Variants in IQGAP3 observed in about 807,000 individuals in gnomAD.
The protein encoded by IQGAP3 is IQ motif containing GTPase activating protein 3.
A neutral mutation model predicts 208.2 loss-of-function variants in IQGAP3; 165 were observed. That is an observed-to-expected ratio of 0.79 (90% confidence interval 0.70 to 0.90). The LOEUF is 0.90. Ranked by LOEUF, IQGAP3 falls within the 40% of genes least tolerant of loss-of-function variation. IQGAP3 has a pLI of 0.00. For synonymous variants in IQGAP3, 703 were observed against 803.6 expected, an observed-to-expected ratio of 0.87 and a Z score of 2.12; for missense variants, 1,811 against 2,043.1, an observed-to-expected ratio of 0.89 and a Z score of 2.19.
chr1:156,551,565 C>T (rs1457981402), intron 15 of IQGAP3, 140 bp downstream of exon 15: 2 of 859,456 alleles, frequency 2.3e-6, no homozygotes, highest in South Asian at 2.0e-5. Flanking sequence ...TCCTTCTTTA[C>T]CAGATTGGAA....
Position 156,526,416 on chromosome 1 carries a change from A to C in IQGAP3, c.*70T>G. 1.0e-6 allele frequency: 1 copy of C among 979,904 alleles called. No individual in the cohort carries two copies. Among genetic ancestry groups the C allele is most frequent in the Non-Finnish European group, 1.6e-6 (1 of 607,262 alleles). 60.7% of individuals were successfully genotyped at this position (979,904 alleles called of 1,614,324 possible). On this transcript the variant is annotated 3_prime_UTR_variant, in exon 38 of 38. Transcript: ENST00000361170. The stretch of plus-strand genomic sequence containing the variant: ...GCTCTAGGTGTCTGCAGGGAAGCAC[A>C]GTGGTGAGTTAGTGTTAAAGAAAGC...
At position 156,566,490 on chromosome 1, in the gene IQGAP3, C is replaced by T; in HGVS notation, c.182G>A (p.Ser61Asn). The change falls in exon 3 of 38, where the codon AGC becomes AAC. Residue 61 changes from serine (S) to asparagine (N), a missense_variant. Coordinates refer to ENST00000361170, the MANE Select transcript of IQGAP3 (RefSeq NM_178229.5). ...ELPSPVELEE[S>N]LRNGVLLAKL... ...GGCCAGCAGCACTCCATTCCGAAGG[C>T]TCTCCTCCAGCTCCACCGGGGAAGG... 1 of 1,614,162 alleles carries T rather than the reference C, an allele frequency of 6.2e-7. No individual in the cohort carries two copies. Among genetic ancestry groups the T allele is most frequent in the Non-Finnish European group, 8.5e-7 (1 of 1,180,014 alleles).
chr1:156,557,341 G>T (rs1427723708), intron 11 of IQGAP3, among the ~76,000 whole-genome samples: 2 of 11,924 alleles, frequency 1.7e-4, no homozygotes, highest in Admixed American at 1.5e-3. Flanking sequence ...AGGGAGGTGG[G>T]GGGTCAGCCC....
At chr1:156,552,973 C>T (rs562757242) in intron 13 of IQGAP3, among the ~76,000 whole-genome samples, 1 of 152,284 alleles carries the variant, frequency 6.6e-6, no homozygotes, top group South Asian at 2.1e-4. Flanking sequence ...ACTTGGGAGG[C>T]TGAGTTGGGA....
chr1:156,530,256 G>A lies in IQGAP3; in HGVS notation c.4253C>T (p.Pro1418Leu). 6.2e-7 allele frequency: 1 copy of A among 1,612,734 alleles called. No homozygotes were observed. Among genetic ancestry groups the A allele is most frequent in the Non-Finnish European group, 8.5e-7 (1 of 1,179,984 alleles). Reference sequence around the variant, plus strand: ...TGTCAGTGAGCGGTGTCGTCGCAGTGGCTCCGGTGTCTGGGCTGTACAGGC... The same window carrying A: ...TGTCAGTGAGCGGTGTCGTCGCAGTAGCTCCGGTGTCTGGGCTGTACAGGC... Reference protein sequence around the residue: ...RQACTAQTPEPLRRHRSLTAH... With the variant: ...RQACTAQTPELLRRHRSLTAH... Residue 1418 changes from proline (P) to leucine (L), a missense_variant, in exon 34 of 38, where the codon CCA (proline) becomes CTA (leucine). Pro to Leu is a moderately conservative substitution (Grantham distance 98, BLOSUM62 -3). Transcript: ENST00000361170.
chr1:156,571,978 T>C (rs1397347840), intron 1 of IQGAP3, among the ~76,000 whole-genome samples: 1 of 152,168 alleles, frequency 6.6e-6, no homozygotes, highest in Non-Finnish European at 1.5e-5. Context: ...AAATGCAGAT[T>C]ATGGGCCCCA....
chr1:156,527,078 G>A (rs927131724), intron 37 of IQGAP3, among the ~76,000 whole-genome samples: 16 of 151,386 alleles, frequency 1.1e-4, no homozygotes, highest in Admixed American at 3.3e-4. Flanking sequence ...TGATCCGCCC[G>A]CCTCGGCCTC....
intron 13 of IQGAP3, among the ~76,000 whole-genome samples, chr1:156,553,658 C>T (rs1380487700): frequency 2.7e-5 from 4 of 145,992 alleles, no homozygotes; most frequent in Non-Finnish European, 6.0e-5. Context: ...CTCGGCTCAA[C>T]ACAACCTCCA....
At chr1:156,533,561 A>C (rs181051129) in intron 31 of IQGAP3, among the ~76,000 whole-genome samples, 4 of 152,146 alleles carry the variant, frequency 2.6e-5, no homozygotes, top group Non-Finnish European at 5.9e-5. Flanking sequence ...ACCGTTTTCC[A>C]TGATGATCGT....
intron 33 of IQGAP3, among the ~76,000 whole-genome samples, chr1:156,530,881 C>G (rs568030374): frequency 2.0e-5 from 3 of 152,112 alleles, no homozygotes; most frequent in African/African-American, 7.2e-5. Context: ...CATTCCCAGA[C>G]GGTCTCTCAG....
chr1:156,531,515 C>G (rs1674402338), intron 32 of IQGAP3, among the ~76,000 whole-genome samples: 1 of 152,112 alleles, frequency 6.6e-6, no homozygotes, highest in Non-Finnish European at 1.5e-5. Flanking sequence ...ACACCCACCA[C>G]CCTCTTGGTG....
chr1:156,553,993 C>T (rs1454112751), intron 13 of IQGAP3, among the ~76,000 whole-genome samples: 1 of 152,224 alleles, frequency 6.6e-6, no homozygotes, highest in African/African-American at 2.4e-5. Flanking sequence ...ATATCTGGCA[C>T]ATGGGTCAGT....
chr1:156,545,298 CCT>C (rs746673793), intron 19 of IQGAP3, among the ~76,000 whole-genome samples: 3 of 152,078 alleles, frequency 2.0e-5, no homozygotes, highest in South Asian at 4.1e-4. Context: ...TCCTAAAGTA[CCT>C]CTTAGACTAT....
At chr1:156,561,065 C>T (rs1210611025) in intron 10 of IQGAP3, 44 bp from the exon 11 acceptor site, 1 of 1,413,748 alleles carries the variant, frequency 7.1e-7, no homozygotes, top group Non-Finnish European at 1.0e-6. Context: ...CCTTCCGGGG[C>T]CATGACCATG....
At chr1:156,534,891 C>T (rs1571317182) in intron 28 of IQGAP3, among the ~76,000 whole-genome samples, 158 bp from the exon 29 acceptor site, 1 of 152,318 alleles carries the variant, frequency 6.6e-6, no homozygotes, top group African/African-American at 2.4e-5. Flanking sequence ...CTTAAGGCCA[C>T]ACAGCAAACC....
chr1:156,534,023 C>T lies in IQGAP3; in HGVS notation c.3859G>A (p.Val1287Ile), dbSNP rs1185654778. 31 of 1,613,782 alleles carry T rather than the reference C, an allele frequency of 1.9e-5. No homozygotes were observed. The highest frequency in any genetic ancestry group is 2.3e-5 in the Non-Finnish European group (27 of 1,180,026). ...CAGCCCCTCACCCTGTGCGTGTTGA[C>T]CAGCTCCCCCACGGTGATGTACACC... The part of the protein sequence containing the change: ...PMVYITVGEL[V>I]NTHRLLLEHQ... Residue 1287 changes from valine to isoleucine, a missense_variant, in exon 30 of 38, where the codon GTC (valine) becomes ATC (isoleucine). Transcript: ENST00000361170.
chr1:156,541,613 A>G (rs1674988049), intron 22 of IQGAP3, among the ~76,000 whole-genome samples: 2 of 152,206 alleles, frequency 1.3e-5, no homozygotes, highest in African/African-American at 4.8e-5. Flanking sequence ...TGAGGTCAGT[A>G]CACTATAACT....
chr1:156,543,136 GC>G (rs1304601448), intron 22 of IQGAP3, among the ~76,000 whole-genome samples: 3 of 152,080 alleles, frequency 2.0e-5, no homozygotes, highest in African/African-American at 4.8e-5. Context: ...ATAAAGAATG[GC>G]CAGGACAATG....
chr1:156,540,742 A>G lies in IQGAP3; in HGVS notation c.2705T>C (p.Ile902Thr), dbSNP rs1265709456. 13 of 1,614,010 alleles carry G rather than the reference A, an allele frequency of 8.1e-6. No homozygotes were observed. Among genetic ancestry groups the G allele is most frequent in the East Asian group, 4.5e-5 (2 of 44,892 alleles). Reference protein sequence around the residue: ...EQDLNIMDIKIGLLVKNRITL... With the variant: ...EQDLNIMDIKTGLLVKNRITL... ...GATCCGGTTCTTCACCAGCAGGCCA[A>G]TCTTGATGTCCATGATGTTGAGGTC... is the stretch of plus-strand genomic sequence containing the variant. Residue 902 changes from isoleucine to threonine, a missense_variant, in exon 23 of 38, where the codon ATT becomes ACT. Physicochemically the swap from Ile to Thr is moderately conservative, Grantham distance 89. Transcript: ENST00000361170.
Sources: allele counts gnomAD v4.1 joint callset (sites outside exome capture counted in the v4.1 genomes callset), GRCh38; gene constraint gnomAD v4.1.1; transcripts MANE v1.5; gene names NCBI Gene and HGNC (gene_info 2026-07-23, HGNC 2026-07-21).